Variants in PIKFYVE observed in about 807,000 individuals in gnomAD.
PIKFYVE encodes the protein 1-phosphatidylinositol 3-phosphate 5-kinase.
A neutral mutation model predicts 257.9 loss-of-function variants in PIKFYVE; 122 were observed. That is an observed-to-expected ratio of 0.47 (90% CI 0.41 to 0.55). PIKFYVE has a LOEUF of 0.55. Among genes scored for constraint, PIKFYVE ranks in the 20% least tolerant of loss-of-function variants. PIKFYVE has a pLI of 0.00. For missense variants in PIKFYVE, 2,160 were observed against 2,536.6 expected (o/e 0.85, Z 3.19); for synonymous variants, 892 against 868.9 (o/e 1.03, Z -0.47).
At chr2:208,297,752 G>T in intron 7 of PIKFYVE, among the ~76,000 whole-genome samples, 1 of 151,426 alleles carries the variant, frequency 6.6e-6, no homozygotes, top group Non-Finnish European at 1.5e-5. Flanking sequence ...TTATGTGGAG[G>T]CTAAAATTGG....
chr2:208,317,533 C>T (rs1403465738), intron 15 of PIKFYVE, among the ~76,000 whole-genome samples: 1 of 152,048 alleles, frequency 6.6e-6, no homozygotes, highest in Non-Finnish European at 1.5e-5. Flanking sequence ...TTGGACACCC[C>T]TGATTTAGAT....
rs1210084703 is a variant in PIKFYVE, at chr2:208,320,322, AAACT to A, written c.2156_2159del (p.Thr719SerfsTer16). 1 of 1,612,306 alleles carries A rather than the reference AAACT, an allele frequency of 6.2e-7. No homozygotes were observed. Among genetic ancestry groups the A allele is most frequent in the Admixed American group, 1.7e-5 (1 of 59,984 alleles). ...TCCATTGAGTATCTCTACAGAGAAG[AAACT>A]AAGTTTACTTGCATTGATCCTATTG... On this transcript the variant is annotated frameshift_variant, in exon 17 of 42. Transcript: ENST00000264380. LOFTEE classifies it high-confidence loss of function.
chr2:208,274,014 TCAG>T, intron 3 of PIKFYVE: 2 of 1,611,680 alleles, frequency 1.2e-6, no homozygotes, highest in African/African-American at 2.7e-5. Context: ...TGCTTGGGTT[TCAG>T]CAGACAACAG....
intron 6 of PIKFYVE, among the ~76,000 whole-genome samples, chr2:208,286,214 T>A: frequency 6.6e-6 from 1 of 152,228 alleles, no homozygotes; most frequent in East Asian, 1.9e-4. Context: ...GTATATAATC[T>A]TGATAATATT....
intron 7 of PIKFYVE, among the ~76,000 whole-genome samples, chr2:208,291,322 A>AG (rs1692287571): frequency 6.6e-6 from 1 of 152,168 alleles, no homozygotes; most frequent in African/African-American, 2.4e-5. Context: ...ATGTTGAACC[A>AG]GCCTTGCATG....
At chr2:208,289,960 A>T (rs1692085445) in intron 7 of PIKFYVE, among the ~76,000 whole-genome samples, 1 of 152,084 alleles carries the variant, frequency 6.6e-6, no homozygotes, top group African/African-American at 2.4e-5. Context: ...TATTTTTATT[A>T]AGTTTATTTT....
intron 23 of PIKFYVE, among the ~76,000 whole-genome samples, chr2:208,332,972 C>T (rs1697722176): frequency 6.6e-6 from 1 of 151,910 alleles, no homozygotes; most frequent in Non-Finnish European, 1.5e-5. Context: ...TGGTGGCTCA[C>T]ACCTGTAATC....
chr2:208,356,737 A>G lies in PIKFYVE; in HGVS notation c.*1432A>G, dbSNP rs1010041751. ...GCATTTTTGTTTATTTTAAAAAGTG[A>G]TCAGAAGTAGTAAACTATCTTTGAG... On this transcript the variant is annotated 3_prime_UTR_variant, in exon 42 of 42. Transcript: ENST00000264380. The G allele has an allele frequency of 5.2e-5, 8 of 152,672 alleles. No individual in the cohort carries two copies. Among genetic ancestry groups the G allele is most frequent in the African/African-American group, 1.9e-4 (8 of 41,466 alleles). 9.5% of individuals were successfully genotyped at this position (152,672 alleles called of 1,614,324 possible).
intron 36 of PIKFYVE, among the ~76,000 whole-genome samples, 169 bp downstream of exon 36, chr2:208,350,252 A>T (rs917098780): frequency 3.9e-5 from 6 of 152,132 alleles, no homozygotes; most frequent in African/African-American, 1.4e-4. Flanking sequence ...TATAAAATAT[A>T]AATTTAATTT....
rs1422852482 is a variant in PIKFYVE at position 208,350,029 on chromosome 2, G to A, written c.5380G>A (p.Val1794Ile). 6.2e-7 allele frequency: 1 copy of A among 1,611,778 alleles called. No homozygotes were observed. Among genetic ancestry groups the A allele is most frequent in the Non-Finnish European group, 8.5e-7 (1 of 1,178,520 alleles). ...AATGATATTAAACCTTTTAGATGAAGTAGATGGAGGAGATACACAAAAGAA... is the reference window on the plus strand; with the variant it reads ...AATGATATTAAACCTTTTAGATGAAATAGATGGAGGAGATACACAAAAGAA... ...ENQGVEPQDE[V>I]DGGDTQKKQL... The change falls in exon 36 of 42, where the codon GTA becomes ATA. Residue 1794 changes from valine to isoleucine, a missense_variant. By Grantham distance (29) the Val-to-Ile change is conservative (BLOSUM62 3). Transcript: ENST00000264380.
intron 31 of PIKFYVE, among the ~76,000 whole-genome samples, chr2:208,341,435 C>T (rs1698691527): frequency 6.6e-6 from 1 of 152,050 alleles, no homozygotes; most frequent in African/African-American, 2.4e-5. Flanking sequence ...TCCCCCTTAC[C>T]TCCTGCTCCA....
chr2:208,345,437 A>C (rs1242551217), intron 33 of PIKFYVE, among the ~76,000 whole-genome samples: 1 of 152,142 alleles, frequency 6.6e-6, no homozygotes, highest in Non-Finnish European at 1.5e-5. Context: ...TTGCAGATTT[A>C]AGGACATTTT....
In PIKFYVE at chr2:208,326,136, G is replaced by A; in HGVS notation, c.3325G>A (p.Asp1109Asn). The part of the protein sequence containing the change: ...ENRRKKQLLR[D>N]LSGLQGMNGS... ...CAGGAGGAAGAAACAGCTGCTCAGG[G>A]ATCTCTCTGGACTTCAGGGCATGAA... is the stretch of plus-strand genomic sequence containing the variant. Residue 1109 changes from aspartate to asparagine, a missense_variant, in exon 20 of 42, where the codon GAT (aspartate) becomes AAT (asparagine). Transcript: ENST00000264380. 2 of 1,614,136 alleles carry A rather than the reference G, an allele frequency of 1.2e-6. No individual in the cohort carries two copies. The highest frequency in any genetic ancestry group is 1.1e-5 in the South Asian group (1 of 91,084).
Position 208,325,221 on chromosome 2 carries a change from TG to T in PIKFYVE, c.2459-47del. 2.5e-6 allele frequency: 4 copies of T among 1,583,414 alleles called. No individual in the cohort carries two copies. In the African/African-American group the frequency reaches 5.4e-5, roughly 21 times the overall value. On this transcript the variant is annotated intron_variant, in intron 19 of 41. Transcript: ENST00000264380. ...AGTGAATTAATTCTATTTGTACTTC[TG>T]GATTGCCACCTCCACCATCTTAACT...
chr2:208,268,130 TATAAG>T (rs1354583383), intron 1 of PIKFYVE, among the ~76,000 whole-genome samples: 2 of 152,198 alleles, frequency 1.3e-5, no homozygotes, highest in East Asian at 1.9e-4. Flanking sequence ...GAGTGAGAGT[TATAAG>T]ATAATTTTTT....
chr2:208,285,387 G>A (rs1297894593), intron 5 of PIKFYVE, among the ~76,000 whole-genome samples: 11 of 152,050 alleles, frequency 7.2e-5, no homozygotes, highest in Non-Finnish European at 1.5e-5. Flanking sequence ...GAGCCACCAC[G>A]TCTGGCCTGG....
intron 1 of PIKFYVE, among the ~76,000 whole-genome samples, chr2:208,268,823 T>C (rs938574030): frequency 5.9e-5 from 9 of 151,994 alleles, no homozygotes; most frequent in Non-Finnish European, 1.3e-4. Context: ...ATTGCCAAAA[T>C]TCTGTTTAAG....
chr2:208,345,070 A>C, intron 32 of PIKFYVE, 41 bp from the exon 33 acceptor site: 1 of 1,307,950 alleles, frequency 7.6e-7, no homozygotes, highest in South Asian at 1.2e-5. Context: ...TTTAAAGAAG[A>C]AGTTAATGTT....
At chr2:208,347,247 A>G (rs1326149824) in intron 34 of PIKFYVE, among the ~76,000 whole-genome samples, 5 of 152,252 alleles carry the variant, frequency 3.3e-5, no homozygotes, top group African/African-American at 1.2e-4. Context: ...TGCAAGAATT[A>G]GAATCATATT....
Sources: allele counts gnomAD v4.1 joint callset (sites outside exome capture counted in the v4.1 genomes callset), GRCh38; gene constraint gnomAD v4.1.1; transcripts MANE v1.5; gene names NCBI Gene and HGNC (gene_info 2026-07-23, HGNC 2026-07-21).